Variants in MYOM2 observed in about 807,000 individuals in gnomAD.
MYOM2 encodes myomesin 2.
A neutral mutation model predicts 187.6 loss-of-function variants in MYOM2; 254 were observed. The observed-to-expected ratio is 1.35, with a 90% CI of 1.22 to 1.50. The LOEUF is 1.50. Among genes scored for constraint, MYOM2 ranks in the 40% most tolerant of loss-of-function variants. The pLI is 0.00. For missense variants in MYOM2, 2,796 were observed against 1,924.0 expected, an observed-to-expected ratio of 1.45 and a Z score of -8.48; for synonymous variants, 981 against 753.8, an observed-to-expected ratio of 1.30 and a Z score of -4.94.
rs928409474 is a variant in MYOM2, at chr8:2,093,355, T to C, written c.2004-615T>C. Among the ~76,000 whole-genome samples the C allele has an allele frequency of 3.3e-5, 5 of 152,208 alleles. 1 individual carries two copies. The South Asian group carries it at 8.3e-4, about 25-fold the overall frequency. ...GGTTAGTGAATATTTATTGACTATA[T>C]ATGATAAATAATAATTGCTTACACG... On this transcript the variant is annotated intron_variant, in intron 16 of 36. Transcript: ENST00000262113.
intron 21 of MYOM2, among the ~76,000 whole-genome samples, 195 bp from the exon 22 acceptor site, chr8:2,106,047 A>G (rs779175336): frequency 1.3e-5 from 2 of 152,198 alleles, no homozygotes; most frequent in Non-Finnish European, 2.9e-5. Context: ...CATAAGACTC[A>G]GTCACTATCA....
At chr8:2,105,411 G>A (rs1429193893) in intron 21 of MYOM2, among the ~76,000 whole-genome samples, 1 of 152,100 alleles carries the variant, frequency 6.6e-6, no homozygotes, top group Non-Finnish European at 1.5e-5. Context: ...CCTTGCACAC[G>A]GCCAGATGTT....
chr8:2,100,445 G>A lies in MYOM2; in HGVS notation c.2441-431G>A, dbSNP rs1796667871. 1.7e-5 allele frequency: 3 copies of A among 176,652 alleles called. No individual in the cohort carries two copies. In the South Asian group the frequency reaches 4.2e-4, roughly 25 times the overall value. The allele number at this position is 176,652 out of a possible 1,614,324, so 10.9% of individuals were successfully genotyped here. A position where few individuals can be genotyped will look rare whatever the true frequency, so the allele number is the denominator to read the frequency against. On this transcript the variant is annotated intron_variant, in intron 19 of 36. Transcript: ENST00000262113. ...TGGGCCTCCGCACCACATGCCCTCAGAGTTGCCGCGGGTGTTCGTAGAGGA... is the reference window on the plus strand; with the variant it reads ...TGGGCCTCCGCACCACATGCCCTCAAAGTTGCCGCGGGTGTTCGTAGAGGA...
chr8:2,059,343 C>T, intron 6 of MYOM2, 98 bp downstream of exon 6: 2 of 1,028,732 alleles, frequency 1.9e-6, no homozygotes, highest in Non-Finnish European at 2.9e-6. Context: ...CCAAATCACA[C>T]CTGTCTGTTT....
At chr8:2,055,635 T>C (rs1216466414) in intron 3 of MYOM2, among the ~76,000 whole-genome samples, 3 of 152,212 alleles carry the variant, frequency 2.0e-5, no homozygotes, top group Non-Finnish European at 4.4e-5. Context: ...GGCTGCAGAC[T>C]TCTGCAATTC....
intron 17 of MYOM2, among the ~76,000 whole-genome samples, chr8:2,094,999 T>C (rs1190327810): frequency 1.3e-5 from 2 of 152,166 alleles, no homozygotes; most frequent in East Asian, 1.9e-4. Context: ...AAATGCCACA[T>C]GGGACACCCT....
rs1381664530 is a variant in MYOM2, at chr8:2,086,412, CCT to C, written c.1644+1024_1644+1025del. On this transcript the variant is annotated intron_variant, in intron 14 of 36. Transcript: ENST00000262113. Reference sequence around the variant, plus strand: ...TCCCACTGTTGTGATCTCTGCGTGGCCTCCCACTGTTGTGATCTCTGCGTGGC... The same window carrying C: ...TCCCACTGTTGTGATCTCTGCGTGGCCCCACTGTTGTGATCTCTGCGTGGC... 3.7e-5 allele frequency among the ~76,000 whole-genome samples: 5 copies of C among 136,110 alleles called. 1 individual carries two copies. The highest frequency in any genetic ancestry group is 2.1e-4 in the East Asian group (1 of 4,800). 89.3% of individuals were successfully genotyped at this position (136,110 alleles called of 152,430 possible). A position where few individuals can be genotyped will look rare whatever the true frequency, so the allele number is the denominator to read the frequency against.
At chr8:2,067,527 G>A (rs980125402) in intron 6 of MYOM2, among the ~76,000 whole-genome samples, 3 of 152,198 alleles carry the variant, frequency 2.0e-5, no homozygotes, top group Non-Finnish European at 2.9e-5. Context: ...AAATGCTGAT[G>A]TGAAGTGACT....
At chr8:2,120,951 G>T (rs1272641795) in intron 28 of MYOM2, among the ~76,000 whole-genome samples, 1 of 151,512 alleles carries the variant, frequency 6.6e-6, no homozygotes, top group Non-Finnish European at 1.5e-5. Context: ...TGTTTAAAAG[G>T]AAGATTCAGA....
At chr8:2,139,731 A>G (rs1798210555) in intron 32 of MYOM2, among the ~76,000 whole-genome samples, 1 of 152,066 alleles carries the variant, frequency 6.6e-6, no homozygotes, top group Non-Finnish European at 1.5e-5. Flanking sequence ...GTTTTCATGC[A>G]CCTGTGACTA....
At chr8:2,088,205 C>T (rs1270080971) in intron 14 of MYOM2, among the ~76,000 whole-genome samples, 1 of 152,094 alleles carries the variant, frequency 6.6e-6, no homozygotes, top group Non-Finnish European at 1.5e-5. Context: ...TCGCCTCCCT[C>T]CCACTCTTTC....
Position 2,085,572 on chromosome 8 carries a change from ACTGTTGTGATCTCTGCGTGG to A in MYOM2, c.1644+184_1644+203del. Reference sequence around the variant, plus strand: ...ACTGTCATGATCTCTGCGTGGCCCCACTGTTGTGATCTCTGCGTGGCCCCACTGTCGTGATCTCTGCGTGG... The same window carrying A: ...ACTGTCATGATCTCTGCGTGGCCCCACCCCACTGTCGTGATCTCTGCGTGG... On this transcript the variant is annotated intron_variant, in intron 14 of 36. Transcript: ENST00000262113. 2.5e-4 allele frequency among the ~76,000 whole-genome samples: 4 copies of A among 15,910 alleles called. 1 individual carries two copies. The African/African-American group carries it at 3.9e-3, about 16-fold the overall frequency. 10.4% of individuals were successfully genotyped at this position (15,910 alleles called of 152,430 possible).
chr8:2,086,811 T>C (rs964157474), intron 14 of MYOM2, among the ~76,000 whole-genome samples: 9 of 152,266 alleles, frequency 5.9e-5, no homozygotes, highest in Admixed American at 2.0e-4. Context: ...GCCTACATGC[T>C]GGGGATTCCA....
At chr8:2,109,659 G>A (rs2116814155) in intron 25 of MYOM2, 128 bp downstream of exon 25, 2 of 1,043,784 alleles carry the variant, frequency 1.9e-6, no homozygotes, top group East Asian at 2.7e-5. Flanking sequence ...TTGGGGCATG[G>A]AAGGTTGACA....
At chr8:2,071,689 C>T (rs539203690) in intron 8 of MYOM2, among the ~76,000 whole-genome samples, 3 of 152,306 alleles carry the variant, frequency 2.0e-5, no homozygotes, top group East Asian at 3.9e-4. Context: ...GGCTTGTCTC[C>T]GCTCCGGCTG....
At chr8:2,124,503 G>C (rs757060814) in intron 31 of MYOM2, among the ~76,000 whole-genome samples, 1 of 152,218 alleles carries the variant, frequency 6.6e-6, no homozygotes, top group Non-Finnish European at 1.5e-5. Context: ...TGACTGCTTT[G>C]TATATAATTG....
chr8:2,078,234 A>C (rs1480353260), intron 11 of MYOM2, among the ~76,000 whole-genome samples: 1 of 152,228 alleles, frequency 6.6e-6, no homozygotes, highest in Non-Finnish European at 1.5e-5. Context: ...ACATTATTCT[A>C]GGAGACTGTA....
intron 6 of MYOM2, among the ~76,000 whole-genome samples, chr8:2,068,265 T>C (rs1389148608): frequency 1.2e-3 from 134 of 114,758 alleles, no homozygotes; most frequent in East Asian, 1.8e-3. Context: ...CTTCAATGCC[T>C]GTGTGCACCA....
At chr8:2,093,926 A>C (rs757003562) in intron 16 of MYOM2, 44 bp from the exon 17 acceptor site, 3 of 1,593,298 alleles carry the variant, frequency 1.9e-6, no homozygotes, top group Non-Finnish European at 2.6e-6. Flanking sequence ...AGGAGAGAAA[A>C]AGTGGAGCCT....
Sources: gnomAD v4.1 joint callset for allele counts (sites outside exome capture counted in the v4.1 genomes callset) on GRCh38, gnomAD v4.1.1 for gene constraint, MANE v1.5 for transcripts, NCBI Gene and HGNC (gene_info 2026-07-23, HGNC 2026-07-21) for gene names.